Variants in ARSI observed in about 807,000 individuals in gnomAD.
ARSI encodes arylsulfatase family member I.
In ARSI, 37 loss-of-function variants were observed where a neutral mutation model predicts 42.1. The observed-to-expected ratio is 0.88, with a 90% CI of 0.68 to 1.16. The LOEUF is 1.16. ARSI is among the 50% of genes most tolerant of loss of function. The pLI, the probability that ARSI is intolerant of heterozygous loss-of-function variation, is 0.00. For missense variants in ARSI, 725 were observed against 790.1 expected, an observed-to-expected ratio of 0.92 and a Z score of 0.99; for synonymous variants, 305 against 320.3, an observed-to-expected ratio of 0.95 and a Z score of 0.51.
At chr5:150,301,295 C>T (rs546609789) in intron 1 of ARSI, among the ~76,000 whole-genome samples, 114 of 152,304 alleles carry the variant, frequency 7.5e-4, no homozygotes, top group African/African-American at 2.5e-3. Context: ...TCCTAAGTGG[C>T]CAGAGTTTGC....
At position 150,302,145 on chromosome 5, in the gene ARSI, G is replaced by A. The variant is rs1315988297; in HGVS notation, c.229C>T (p.Leu77=). 1 of 1,613,708 alleles carries A rather than the reference G, an allele frequency of 6.2e-7. No homozygotes were observed. The highest frequency in any genetic ancestry group is 2.2e-5 in the East Asian group (1 of 44,880). The stretch of plus-strand genomic sequence containing the variant: ...TCCAACTTGACCCCCTTGGCCGCCA[G>A]CCTGTCCAGCGTAGGGGTCTCGATA... ...SDIETPTLDR[L]AAKGVKLENY... Residue 77 remains leucine (L), a synonymous_variant, in exon 1 of 2, where the codon CTG becomes TTG. Transcript: ENST00000328668. This position sits in a 1 kb window ranked among gnomAD's most constrained non-coding sequence, Gnocchi z 6.1.
intron 1 of ARSI, among the ~76,000 whole-genome samples, chr5:150,300,985 T>C (rs1003404920): frequency 6.6e-6 from 1 of 152,118 alleles, no homozygotes; most frequent in African/African-American, 2.4e-5. Flanking sequence ...AAACGCTGGG[T>C]GCCAGATCGA....
rs186929954 is a variant in ARSI at position 150,297,282 on chromosome 5, A to T, written c.1642T>A (p.Cys548Ser). 3 of 1,607,786 alleles carry T rather than the reference A, an allele frequency of 1.9e-6. No individual in the cohort carries two copies. The highest frequency in any genetic ancestry group is 2.5e-6 in the Non-Finnish European group (3 of 1,177,496). ...SFSRGRRKKK[C>S]KICKLRSFFR... ...AAGGATCGAAGCTTGCAAATCTTGC[A>T]TTTTTTCTTGCGACGACCCCGGGAG... Residue 548 changes from cysteine (C) to serine (S), a missense_variant, in exon 2 of 2, where the codon TGC (cysteine) becomes AGC (serine). By Grantham distance (112) the Cys-to-Ser change is moderately radical (BLOSUM62 -1). Coordinates refer to ENST00000328668, the MANE Select transcript of ARSI (RefSeq NM_001012301.4). The surrounding 1 kb of genome is among the most constrained non-coding windows in gnomAD (Gnocchi z 7.0).
At position 150,297,869 on chromosome 5, in the gene ARSI, G is replaced by A. The variant is rs769152309; in HGVS notation, c.1055C>T (p.Pro352Leu). 1.1e-5 allele frequency: 17 copies of A among 1,611,886 alleles called. No homozygotes were observed. In the East Asian group the frequency reaches 1.8e-4, roughly 17 times the overall value. Residue 352 changes from proline (P) to leucine (L), a missense_variant, in exon 2 of 2, where the codon CCG becomes CTG. By Grantham distance (98) the Pro-to-Leu change is moderately conservative. Transcript: ENST00000328668. This position sits in a 1 kb window ranked among gnomAD's most constrained non-coding sequence, Gnocchi z 7.0. ...RALMHITDWY[P>L]TLVGLAGGTT... is the part of the protein sequence containing the mutation. Reference sequence around the variant, plus strand: ...ACCACCTGCCAGACCCACCAGGGTCGGGTACCAGTCAGTGATGTGCATCAG... The same window carrying A: ...ACCACCTGCCAGACCCACCAGGGTCAGGTACCAGTCAGTGATGTGCATCAG...
Position 150,298,297 on chromosome 5 carries a change from A to G in ARSI, c.627T>C (p.Thr209=). ...GGCTGGCGCGCTGGGCATAAAGCAT[A>G]GTGGAGTACTGGCCGCTGAGCCCCC... is the stretch of plus-strand genomic sequence containing the variant. ...VAWGLSGQYS[T]MLYAQRASHI... is the part of the protein sequence containing the mutation. Residue 209 remains threonine (T), a synonymous_variant, in exon 2 of 2, where the codon ACT becomes ACC. Transcript: ENST00000328668. 6.2e-7 allele frequency: 1 copy of G among 1,613,502 alleles called. No individual in the cohort carries two copies. Among genetic ancestry groups the G allele is most frequent in the Non-Finnish European group, 8.5e-7 (1 of 1,179,802 alleles).
Position 150,297,252 on chromosome 5 carries a change from G to A in ARSI, c.1672C>T (p.Arg558Cys), listed in dbSNP as rs747622334. 1.1e-5 allele frequency: 17 copies of A among 1,590,146 alleles called. No homozygotes were observed. The highest frequency in any genetic ancestry group is 2.2e-5 in the East Asian group (1 of 44,818). ...CKICKLRSFF[R>C]KLNTRLMSQR... ...GACATTAGCCTGGTGTTGAGTTTACGGAAAAAGGATCGAAGCTTGCAAATC... is the reference window on the plus strand; with the variant it reads ...GACATTAGCCTGGTGTTGAGTTTACAGAAAAAGGATCGAAGCTTGCAAATC... Residue 558 changes from arginine to cysteine, a missense_variant, in exon 2 of 2, where the codon CGT becomes TGT. Arg to Cys is a radical substitution (Grantham distance 180, BLOSUM62 -3). Transcript: ENST00000328668. This position sits in a 1 kb window ranked among gnomAD's most constrained non-coding sequence, Gnocchi z 7.0.
chr5:150,300,059 C>T (rs1392543900), intron 1 of ARSI, among the ~76,000 whole-genome samples: 3 of 152,178 alleles, frequency 2.0e-5, no homozygotes, highest in Non-Finnish European at 4.4e-5. Context: ...ACCTTTTTCT[C>T]ACCTCCAGGC....
Position 150,302,201 on chromosome 5 carries a change from C to G in ARSI, c.173G>C (p.Gly58Ala). Residue 58 changes from glycine to alanine, a missense_variant, in exon 1 of 2, where the codon GGC becomes GCC. By Grantham distance (60) the Gly-to-Ala change is moderately conservative. Coordinates refer to ENST00000328668, the MANE Select transcript of ARSI (RefSeq NM_001012301.4). The surrounding 1 kb of genome is among the most constrained non-coding windows in gnomAD (Gnocchi z 6.1). ...ACCATGGTAGCCCACGTCGTGGTAG[C>G]CTTGGTCGTCCGTGAGGATGAAGAT... The part of the protein sequence containing the change: ...HIIFILTDDQ[G>A]YHDVGYHGSD... 1.2e-6 allele frequency: 2 copies of G among 1,613,954 alleles called. No homozygotes were observed. The highest frequency in any genetic ancestry group is 1.7e-6 in the Non-Finnish European group (2 of 1,180,002).
rs775748301 is a variant in ARSI at position 150,302,229 on chromosome 5, T to A, written c.145A>T (p.Ile49Phe). ...TGGTCGTCCGTGAGGATGAAGATGA[T>A]GTGGGGAGGCTGGGGCGGAGCGGCC... ...PSAAPPQPPH[I>F]IFILTDDQGY... Residue 49 changes from isoleucine to phenylalanine, a missense_variant, in exon 1 of 2, where the codon ATC becomes TTC. Transcript: ENST00000328668. This position sits in a 1 kb window ranked among gnomAD's most constrained non-coding sequence, Gnocchi z 6.1. 1.2e-6 allele frequency: 2 copies of A among 1,613,534 alleles called. No individual in the cohort carries two copies. The highest frequency in any genetic ancestry group is 1.7e-6 in the Non-Finnish European group (2 of 1,179,918).
At position 150,302,444 on chromosome 5, in the gene ARSI, A is replaced by C. The variant is rs2150322146; in HGVS notation, c.-71T>G. 1 of 1,213,328 alleles carries C rather than the reference A, an allele frequency of 8.2e-7. No homozygotes were observed. The highest frequency in any genetic ancestry group is 2.1e-5 in the South Asian group (1 of 47,386). The allele number at this position is 1,213,328 out of a possible 1,614,324, so 75.2% of individuals were successfully genotyped here. Reference sequence around the variant, plus strand: ...TCACCACCTCGCGCGCCCAGGGCGCACCACCGGCCCGCCGGCTCGGATGCT... The same window carrying C: ...TCACCACCTCGCGCGCCCAGGGCGCCCCACCGGCCCGCCGGCTCGGATGCT... On this transcript the variant is annotated 5_prime_UTR_variant, in exon 1 of 2. Transcript: ENST00000328668. The surrounding 1 kb of genome is among the most constrained non-coding windows in gnomAD (Gnocchi z 6.1).
chr5:150,297,233 A>G lies in ARSI; in HGVS notation c.1691T>C (p.Leu564Pro). 1 of 1,577,736 alleles carries G rather than the reference A, an allele frequency of 6.3e-7. No homozygotes were observed. Among genetic ancestry groups the G allele is most frequent in the African/African-American group, 1.4e-5 (1 of 73,834 alleles). ...RSFFRKLNTR[L>P]MSQRI Reference sequence around the variant, plus strand: ...CCACCATCAGATCCGTTGGGACATTAGCCTGGTGTTGAGTTTACGGAAAAA... The same window carrying G: ...CCACCATCAGATCCGTTGGGACATTGGCCTGGTGTTGAGTTTACGGAAAAA... The change falls in exon 2 of 2, where the codon CTA (leucine) becomes CCA (proline). Residue 564 changes from leucine to proline, a missense_variant. Coordinates refer to ENST00000328668, the MANE Select transcript of ARSI (RefSeq NM_001012301.4). This position sits in a 1 kb window ranked among gnomAD's most constrained non-coding sequence, Gnocchi z 7.0.
At position 150,302,028 on chromosome 5, in the gene ARSI, A is replaced by C; in HGVS notation, c.311+35T>G. 1 of 1,528,234 alleles carries C rather than the reference A, an allele frequency of 6.5e-7. No homozygotes were observed. Among genetic ancestry groups the C allele is most frequent in the Non-Finnish European group, 8.8e-7 (1 of 1,134,982 alleles). 94.7% of individuals were successfully genotyped at this position (1,528,234 alleles called of 1,614,324 possible). ...TATCAACTGGGTTGATTTGGGGTTT[A>C]GATGCCCAGCCCCGGGGCCTTGAGC... On this transcript the variant is annotated intron_variant, in intron 1 of 1. Transcript: ENST00000328668. This position sits in a 1 kb window ranked among gnomAD's most constrained non-coding sequence, Gnocchi z 6.1.
chr5:150,297,677 T>G lies in ARSI; in HGVS notation c.1247A>C (p.Gln416Pro), dbSNP rs1757834952. 1.2e-6 allele frequency: 2 copies of G among 1,613,320 alleles called. No individual in the cohort carries two copies. The highest frequency in any genetic ancestry group is 1.7e-6 in the Non-Finnish European group (2 of 1,180,024). ...CCACTCACCCACGCGGATGGCAGCCTGCACGGCGGTGTTCCAGATGCCAAA... is the reference window on the plus strand; with the variant it reads ...CCACTCACCCACGCGGATGGCAGCCGGCACGGCGGTGTTCCAGATGCCAAA... ...GGFGIWNTAV[Q>P]AAIRVGEWKL... Residue 416 changes from glutamine to proline, a missense_variant, in exon 2 of 2, where the codon CAG becomes CCG. Physicochemically the swap from Gln to Pro is moderately conservative, Grantham distance 76. Coordinates refer to ENST00000328668, the MANE Select transcript of ARSI (RefSeq NM_001012301.4). The surrounding 1 kb of genome is among the most constrained non-coding windows in gnomAD (Gnocchi z 7.0).
chr5:150,299,134 A>G (rs1159363302), intron 1 of ARSI, among the ~76,000 whole-genome samples: 3 of 152,194 alleles, frequency 2.0e-5, no homozygotes, highest in Non-Finnish European at 4.4e-5. Flanking sequence ...AGTGGGATTT[A>G]TAACCCAAGC....
rs745945756 is a variant in ARSI, at chr5:150,298,279, G to A, written c.645C>T (p.Arg215=). ...TGTGGCTGGCCAGGATATGGCTGGC[G>A]CGCTGGGCATAAAGCATAGTGGAGT... is the stretch of plus-strand genomic sequence containing the variant. ...GQYSTMLYAQ[R]ASHILASHSP... The change falls in exon 2 of 2, where the codon CGC becomes CGT. Residue 215 remains arginine, a synonymous_variant. Coordinates refer to ENST00000328668, the MANE Select transcript of ARSI (RefSeq NM_001012301.4). The A allele has an allele frequency of 1.2e-5, 19 of 1,613,272 alleles. No individual in the cohort carries two copies. The highest frequency in any genetic ancestry group is 3.3e-5 in the Admixed American group (2 of 59,972).
chr5:150,297,251 C>A lies in ARSI; in HGVS notation c.1673G>T (p.Arg558Leu), dbSNP rs775966190. 2 of 1,588,694 alleles carry A rather than the reference C, an allele frequency of 1.3e-6. No homozygotes were observed. The highest frequency in any genetic ancestry group is 2.2e-5 in the East Asian group (1 of 44,798). The change falls in exon 2 of 2, where the codon CGT becomes CTT. Residue 558 changes from arginine to leucine, a missense_variant. Transcript: ENST00000328668. The surrounding 1 kb of genome is among the most constrained non-coding windows in gnomAD (Gnocchi z 7.0). ...CKICKLRSFF[R>L]KLNTRLMSQR... ...GGACATTAGCCTGGTGTTGAGTTTA[C>A]GGAAAAAGGATCGAAGCTTGCAAAT...
Position 150,297,469 on chromosome 5 carries a change from G to A in ARSI, c.1455C>T (p.Val485=). ...CGGCCAGGCGAGCCAGCAGGGTGCG[G>A]ACCACATCAGGCCGCTGGCCAGCCA... ...EDLAGQRPDV[V]RTLLARLAEY... is the part of the protein sequence containing the mutation. Residue 485 remains valine (V), a synonymous_variant, in exon 2 of 2, where the codon GTC becomes GTT. Coordinates refer to ENST00000328668, the MANE Select transcript of ARSI (RefSeq NM_001012301.4). The surrounding 1 kb of genome is among the most constrained non-coding windows in gnomAD (Gnocchi z 7.0). 1 of 1,613,244 alleles carries A rather than the reference G, an allele frequency of 6.2e-7. No homozygotes were observed. The highest frequency in any genetic ancestry group is 1.1e-5 in the South Asian group (1 of 90,902).
Position 150,297,168 on chromosome 5 carries a change from G to A in ARSI, c.*46C>T, listed in dbSNP as rs764581847. On this transcript the variant is annotated 3_prime_UTR_variant, in exon 2 of 2. Coordinates refer to ENST00000328668, the MANE Select transcript of ARSI (RefSeq NM_001012301.4). This position sits in a 1 kb window ranked among gnomAD's most constrained non-coding sequence, Gnocchi z 7.0. Reference sequence around the variant, plus strand: ...CCCTGAGAAACAGCAGGGCCAAGCCGGAGTGGGGAAGATCCTCTAAAGGAC... The same window carrying A: ...CCCTGAGAAACAGCAGGGCCAAGCCAGAGTGGGGAAGATCCTCTAAAGGAC... The A allele has an allele frequency of 2.4e-5, 37 of 1,523,014 alleles. No individual in the cohort carries two copies. The highest frequency in any genetic ancestry group is 1.4e-4 in the South Asian group (11 of 75,940). The allele number at this position is 1,523,014 out of a possible 1,614,324, so 94.3% of individuals were successfully genotyped here.
Position 150,297,660 on chromosome 5 carries a change from C to T in ARSI, c.1264G>A (p.Gly422Ser). The change falls in exon 2 of 2, where the codon GGT (glycine) becomes AGT (serine). Residue 422 changes from glycine to serine, a missense_variant. Gly to Ser is a moderately conservative substitution (Grantham distance 56). Transcript: ENST00000328668. The surrounding 1 kb of genome is among the most constrained non-coding windows in gnomAD (Gnocchi z 7.0). ...TCTCCTGTCAGCAGCTTCCACTCAC[C>T]CACGCGGATGGCAGCCTGCACGGCG... ...NTAVQAAIRV[G>S]EWKLLTGDPG... 3 of 1,613,324 alleles carry T rather than the reference C, an allele frequency of 1.9e-6. No homozygotes were observed. Among genetic ancestry groups the T allele is most frequent in the Non-Finnish European group, 2.5e-6 (3 of 1,179,974 alleles).
Sources: allele counts gnomAD v4.1 joint callset (sites outside exome capture counted in the v4.1 genomes callset), GRCh38; gene constraint gnomAD v4.1.1; non-coding constraint Gnocchi (gnomAD v3.1); transcripts MANE v1.5; gene names NCBI Gene and HGNC (gene_info 2026-07-23, HGNC 2026-07-21).